Variants in NSG1 observed in about 807,000 individuals in gnomAD.
NSG1 encodes the protein neuronal vesicle trafficking associated 1, also known as neuronal vesicle trafficking-associated protein 1.
Under a neutral mutation model 19.3 loss-of-function variants are expected in NSG1, and 9 were observed. The observed-to-expected ratio is 0.47, with a 90% CI of 0.28 to 0.81. NSG1 has a LOEUF of 0.81. Among genes scored for constraint, NSG1 ranks in the 40% least tolerant of loss-of-function variants. The probability of loss-of-function intolerance (pLI) is 0.11; values close to 1 mark genes in which losing one functional copy is unlikely to be tolerated. For synonymous variants in NSG1, 104 were observed against 107.0 expected (o/e 0.97, Z 0.17); for missense variants, 236 against 242.4 (o/e 0.97, Z 0.18).
At chr4:4,416,316 T>A (rs1401596624) in intron 4 of NSG1, among the ~76,000 whole-genome samples, 1 of 152,180 alleles carries the variant, frequency 6.6e-6, no homozygotes, top group African/African-American at 2.4e-5. Flanking sequence ...GCACATTCCA[T>A]TTGTCATTTC....
chr4:4,416,058 G>T, intron 4 of NSG1: 1 of 702,090 alleles, frequency 1.4e-6, no homozygotes, highest in Non-Finnish European at 2.6e-6. Flanking sequence ...TCCACACTGT[G>T]ACCTGGGGCA....
intron 3 of NSG1, among the ~76,000 whole-genome samples, chr4:4,398,170 G>A (rs1203533996): frequency 6.6e-6 from 1 of 151,930 alleles, no homozygotes; most frequent in East Asian, 1.9e-4. Flanking sequence ...GGCCAGGCTG[G>A]TCTTGAATTC....
chr4:4,402,853 A>G (rs1372665776), intron 3 of NSG1, among the ~76,000 whole-genome samples: 1 of 152,174 alleles, frequency 6.6e-6, no homozygotes, highest in Admixed American at 6.5e-5. Context: ...CCACCTGGAG[A>G]AGCCAGGCAT....
intron 3 of NSG1, among the ~76,000 whole-genome samples, chr4:4,404,594 GA>G (rs1723752840): frequency 6.6e-6 from 1 of 152,180 alleles, no homozygotes; most frequent in Non-Finnish European, 1.5e-5. Flanking sequence ...GGTTCTCCAA[GA>G]TGCTTCCGAT....
chr4:4,413,879 T>C (rs923669041), intron 4 of NSG1, among the ~76,000 whole-genome samples: 6 of 151,584 alleles, frequency 4.0e-5, no homozygotes, highest in South Asian at 2.1e-4. Context: ...GGAGAACTGA[T>C]TTAATCTGGG....
In NSG1 at chr4:4,405,491, G is replaced by A. The variant is rs114639473; in HGVS notation, c.247-4082G>A. ...GTGTAAGGCATGGTTCCCCCACTTT[G>A]GCGATGAGATGTGGGGCCCAGAGAG... is the stretch of plus-strand genomic sequence containing the variant. On this transcript the variant is annotated intron_variant, in intron 3 of 4. Transcript: ENST00000621129. Among the ~76,000 whole-genome samples, 918 of 152,138 alleles carry A rather than the reference G, an allele frequency of 6.0e-3. 9 individuals are homozygous for A. Among genetic ancestry groups the A allele is most frequent in the African/African-American group, 0.021 (871 of 41,510 alleles).
chr4:4,408,930 G>A (rs1008142095), intron 3 of NSG1, among the ~76,000 whole-genome samples: 1 of 152,244 alleles, frequency 6.6e-6, no homozygotes, highest in South Asian at 2.1e-4. Context: ...GAGTTCATCT[G>A]TAAACACCAG....
At chr4:4,389,322 G>A (rs1031801890) in intron 2 of NSG1, among the ~76,000 whole-genome samples, 1 of 152,220 alleles carries the variant, frequency 6.6e-6, no homozygotes, top group Non-Finnish European at 1.5e-5. Flanking sequence ...TGATGAGTCT[G>A]CTCTCTCTGC....
intron 3 of NSG1, among the ~76,000 whole-genome samples, chr4:4,407,720 C>CCAGGCATCTG (rs1204584929): frequency 1.3e-5 from 2 of 152,132 alleles, no homozygotes; most frequent in African/African-American, 4.8e-5. Flanking sequence ...GTGTGGCTCT[C>CCAGGCATCTG]CAGGCATCTG....
chr4:4,417,188 C>G (rs757156216), intron 4 of NSG1, 47 bp from the exon 5 acceptor site: 2 of 1,535,480 alleles, frequency 1.3e-6, no homozygotes, highest in Non-Finnish European at 1.8e-6. Flanking sequence ...CACACTGGCA[C>G]CCCCTCTTGC....
intron 3 of NSG1, 35 bp from the exon 4 acceptor site, chr4:4,409,537 TC>T (rs750128253): frequency 2.0e-6 from 3 of 1,536,438 alleles, no homozygotes; most frequent in Non-Finnish European, 2.7e-6. Flanking sequence ...CCTGCTGCCT[TC>T]CGGCCACCCC....
chr4:4,399,485 G>C (rs996555198), intron 3 of NSG1, among the ~76,000 whole-genome samples: 58 of 63,242 alleles, frequency 9.2e-4, no homozygotes, highest in African/African-American at 2.3e-3. Context: ...ATATATTTTG[G>C]ATATATATAA....
chr4:4,400,743 A>G (rs1404731362), intron 3 of NSG1, among the ~76,000 whole-genome samples: 1 of 152,212 alleles, frequency 6.6e-6, no homozygotes, highest in African/African-American at 2.4e-5. Context: ...AGGTGTTTTT[A>G]TATCACATTG....
intron 3 of NSG1, among the ~76,000 whole-genome samples, chr4:4,398,017 G>A (rs896542931): frequency 3.9e-5 from 6 of 151,984 alleles, no homozygotes; most frequent in African/African-American, 9.7e-5. Context: ...GCAGTGGCAC[G>A]ATCTCGGCTC....
At chr4:4,412,567 C>T (rs916443457) in intron 4 of NSG1, among the ~76,000 whole-genome samples, 1 of 152,128 alleles carries the variant, frequency 6.6e-6, no homozygotes, top group African/African-American at 2.4e-5. Context: ...TTGGCCAAAG[C>T]TGGAGAAAGG....
intron 2 of NSG1, 61 bp downstream of exon 2, chr4:4,387,819 G>A (rs968822919): frequency 7.6e-6 from 11 of 1,454,012 alleles, no homozygotes; most frequent in Non-Finnish European, 1.0e-5. Flanking sequence ...CGCACGGCGG[G>A]CGCAACAAAA....
intron 3 of NSG1, among the ~76,000 whole-genome samples, chr4:4,400,441 C>A (rs1577285860): frequency 1.3e-5 from 2 of 152,130 alleles, no homozygotes; most frequent in African/African-American, 4.8e-5. Context: ...ACAGTTTTGG[C>A]TCTTTAGGGT....
intron 3 of NSG1, among the ~76,000 whole-genome samples, chr4:4,404,432 G>A (rs1218190903): frequency 1.3e-5 from 2 of 152,244 alleles, no homozygotes; most frequent in Non-Finnish European, 2.9e-5. Flanking sequence ...AGGAAACCAG[G>A]CGTTGGGGCG....
In NSG1 at chr4:4,417,394, C is replaced by G. The variant is rs1416644375; in HGVS notation, c.517C>G (p.Leu173Val). The change falls in exon 5 of 5, where the codon CTG becomes GTG. Residue 173 changes from leucine (L) to valine (V), a missense_variant. Leu to Val is a conservative substitution (Grantham distance 32, BLOSUM62 1). Transcript: ENST00000621129. Reference sequence around the variant, plus strand: ...GATGTCAGTTCTGTCAGAAGAGAAGCTGTCCGAGCAGGAGACTGAAGCGGC... The same window carrying G: ...GATGTCAGTTCTGTCAGAAGAGAAGGTGTCCGAGCAGGAGACTGAAGCGGC... Reference protein sequence around the residue: ...PWMSVLSEEKLSEQETEAAEK... With the variant: ...PWMSVLSEEKVSEQETEAAEK... 1.2e-6 allele frequency: 2 copies of G among 1,614,104 alleles called. No individual in the cohort carries two copies. The highest frequency in any genetic ancestry group is 3.3e-5 in the Admixed American group (2 of 60,008).
Sources: gnomAD v4.1 joint callset for allele counts (sites outside exome capture counted in the v4.1 genomes callset) on GRCh38, gnomAD v4.1.1 for gene constraint, MANE v1.5 for transcripts, NCBI Gene and HGNC (gene_info 2026-07-23, HGNC 2026-07-21) for gene names.